CNTN6: variants seen among roughly 807,000 people sequenced by gnomAD.
CNTN6 encodes the protein contactin 6, also known as contactin-6.
A neutral mutation model predicts 122.8 loss-of-function variants in CNTN6; 137 were observed. The observed-to-expected ratio is 1.12, with a 90% CI of 0.97 to 1.29. The LOEUF (loss-of-function observed/expected upper bound fraction) is 1.29, where lower values mean the gene tolerates loss of function less well. CNTN6 is among the 50% of genes most tolerant of loss of function. The pLI, the probability that CNTN6 is intolerant of heterozygous loss-of-function variation, is 0.00. For missense variants in CNTN6, 1,634 were observed against 1,223.4 expected, an observed-to-expected ratio of 1.34 and a Z score of -5.01; for synonymous variants, 570 against 426.0, an observed-to-expected ratio of 1.34 and a Z score of -4.16.
At chr3:1,397,561 T>C (rs1695140799) in intron 20 of CNTN6, among the ~76,000 whole-genome samples, 1 of 152,090 alleles carries the variant, frequency 6.6e-6, no homozygotes, top group Non-Finnish European at 1.5e-5. Context: ...CACACAGACA[T>C]TACTTAAATG....
chr3:1,259,882 C>G (rs1193824653), intron 4 of CNTN6, among the ~76,000 whole-genome samples: 2 of 152,034 alleles, frequency 1.3e-5, no homozygotes, highest in Non-Finnish European at 2.9e-5. Context: ...CATACAAACA[C>G]ACAATAGTAT....
At chr3:1,403,234 G>A (rs555117243) in intron 22 of CNTN6, 84 bp from the exon 23 acceptor site, 2 of 741,386 alleles carry the variant, frequency 2.7e-6, no homozygotes, top group African/African-American at 3.5e-5. Flanking sequence ...AGAAATGATA[G>A]TATGAAATTG....
At position 1,310,217 on chromosome 3, in the gene CNTN6, C is replaced by G. The variant is rs1010107517; in HGVS notation, c.762-11433C>G. Among the ~76,000 whole-genome samples, 5 of 152,220 alleles carry G rather than the reference C, an allele frequency of 3.3e-5. 1 individual carries two copies. Among genetic ancestry groups the G allele is most frequent in the African/African-American group, 1.2e-4 (5 of 41,546 alleles). On this transcript the variant is annotated intron_variant, in intron 7 of 22. Transcript: ENST00000446702. Reference sequence around the variant, plus strand: ...TTTCCGCTATCCAAAATGAAAGCATCCAATTTCTCACCATTAAGTAGGATG... The same window carrying G: ...TTTCCGCTATCCAAAATGAAAGCATGCAATTTCTCACCATTAAGTAGGATG...
chr3:1,359,970 A>G (rs1294462544), intron 12 of CNTN6, among the ~76,000 whole-genome samples: 1 of 152,042 alleles, frequency 6.6e-6, no homozygotes, highest in Non-Finnish European at 1.5e-5. Flanking sequence ...CTTCAATATC[A>G]GCCTGCCCTG....
intron 2 of CNTN6, among the ~76,000 whole-genome samples, chr3:1,160,900 C>A (rs940950907): frequency 3.9e-5 from 6 of 151,942 alleles, no homozygotes; most frequent in Non-Finnish European, 7.4e-5. Context: ...ATTAAATAGA[C>A]ATCCAATTAA....
chr3:1,136,631 A>G (rs2092482049), intron 1 of CNTN6, among the ~76,000 whole-genome samples: 1 of 152,148 alleles, frequency 6.6e-6, no homozygotes, highest in Non-Finnish European at 1.5e-5. Context: ...CTAGCTTTAT[A>G]ACAACTCAGG....
chr3:1,159,627 TATAAAA>T (rs2093075228), intron 2 of CNTN6, among the ~76,000 whole-genome samples: 1 of 151,864 alleles, frequency 6.6e-6, no homozygotes, highest in South Asian at 2.1e-4. Flanking sequence ...CTTTTTATCT[TATAAAA>T]ATAAATACCT....
chr3:1,194,326 C>G (rs756588924), intron 2 of CNTN6, among the ~76,000 whole-genome samples: 1 of 152,112 alleles, frequency 6.6e-6, no homozygotes, highest in Non-Finnish European at 1.5e-5. Flanking sequence ...ATCATGTTCT[C>G]AGACTCCTCA....
At chr3:1,200,254 G>A (rs13096295) in intron 2 of CNTN6, among the ~76,000 whole-genome samples, 16,102 of 152,108 alleles carry the variant, frequency 0.11, 919 homozygotes, top group Non-Finnish European at 0.13. Flanking sequence ...GACTGGTCTC[G>A]AACTCCTTGC....
At chr3:1,266,203 C>G (rs983429907) in intron 4 of CNTN6, among the ~76,000 whole-genome samples, 4 of 152,088 alleles carry the variant, frequency 2.6e-5, no homozygotes, top group East Asian at 1.9e-4. Flanking sequence ...TTCCCTCCCT[C>G]CCTTTATCTA....
intron 20 of CNTN6, among the ~76,000 whole-genome samples, chr3:1,397,747 T>G (rs1401713006): frequency 6.6e-6 from 1 of 152,182 alleles, no homozygotes; most frequent in African/African-American, 2.4e-5. Context: ...TAGCACTTTG[T>G]ACTCGATTCT....
chr3:1,315,971 C>T (rs571964677), intron 7 of CNTN6, among the ~76,000 whole-genome samples: 20 of 151,932 alleles, frequency 1.3e-4, no homozygotes, highest in African/African-American at 4.1e-4. Context: ...CATATGGATC[C>T]CTTAACAGAG....
At chr3:1,240,111 G>A (rs950467558) in intron 4 of CNTN6, among the ~76,000 whole-genome samples, 3 of 152,094 alleles carry the variant, frequency 2.0e-5, no homozygotes, top group African/African-American at 7.2e-5. Flanking sequence ...CATTGGCTTA[G>A]GCAAAGATTT....
chr3:1,267,763 G>C (rs1224279538), intron 4 of CNTN6, among the ~76,000 whole-genome samples: 1 of 151,864 alleles, frequency 6.6e-6, no homozygotes, highest in Non-Finnish European at 1.5e-5. Context: ...TGGCGTCCTG[G>C]GAATAATGAA....
chr3:1,359,463 C>T (rs1707132173), intron 12 of CNTN6, among the ~76,000 whole-genome samples: 1 of 151,932 alleles, frequency 6.6e-6, no homozygotes, highest in Non-Finnish European at 1.5e-5. Flanking sequence ...CTGGGGTTCT[C>T]AGTAGTCTTT....
rs867220273 is a variant in CNTN6, at chr3:1,388,323, G to A, written c.2704+2526G>A. Among the ~76,000 whole-genome samples, 3 of 146,030 alleles carry A rather than the reference G, an allele frequency of 2.1e-5. 1 individual carries two copies. Among genetic ancestry groups the A allele is most frequent in the Non-Finnish European group, 4.6e-5 (3 of 65,770 alleles). On this transcript the variant is annotated intron_variant, in intron 20 of 22. Coordinates refer to ENST00000446702, the MANE Select transcript of CNTN6 (RefSeq NM_001289080.2). ...GCACACTGACACCTCACACGGCAGG[G>A]TATGCCAACAGACCTGAAGCTGAGG...
At chr3:1,261,000 G>A (rs574036830) in intron 4 of CNTN6, among the ~76,000 whole-genome samples, 2 of 152,168 alleles carry the variant, frequency 1.3e-5, no homozygotes, top group African/African-American at 4.8e-5. Flanking sequence ...GAAACTGGCT[G>A]TTCAAACTTA....
intron 2 of CNTN6, among the ~76,000 whole-genome samples, chr3:1,156,089 T>A (rs1231318860): frequency 6.6e-6 from 1 of 152,232 alleles, no homozygotes; most frequent in African/African-American, 2.4e-5. Context: ...CTCTCCTTCA[T>A]GTATCCTTTA....
chr3:1,273,274 A>G (rs1016152650), intron 4 of CNTN6, among the ~76,000 whole-genome samples: 4 of 152,238 alleles, frequency 2.6e-5, no homozygotes, highest in African/African-American at 7.2e-5. Flanking sequence ...TCCAAATATT[A>G]TAGAATTTGA....
Sources: allele counts gnomAD v4.1 joint callset (sites outside exome capture counted in the v4.1 genomes callset), GRCh38; gene constraint gnomAD v4.1.1; transcripts MANE v1.5; gene names NCBI Gene and HGNC (gene_info 2026-07-23, HGNC 2026-07-21).